TTLL11: variants seen among roughly 807,000 people sequenced by gnomAD.
TTLL11 encodes tubulin tyrosine ligase like 11, also known as tubulin polyglutamylase TTLL11.
In TTLL11, 42 loss-of-function variants were observed where a neutral mutation model predicts 51.7. That is an observed-to-expected ratio of 0.81 (90% CI 0.64 to 1.05). The LOEUF (loss-of-function observed/expected upper bound fraction) is 1.05, where lower values mean the gene tolerates loss of function less well. Ranked by LOEUF, TTLL11 falls within the 50% of genes least tolerant of loss-of-function variation. The pLI is 0.00. For missense variants in TTLL11, 799 were observed against 940.4 expected (o/e 0.85, Z 1.97); for synonymous variants, 381 against 383.5 (o/e 0.99, Z 0.08).
At chr9:122,054,889 A>G (rs181661683) in intron 1 of TTLL11, among the ~76,000 whole-genome samples, 1 of 152,302 alleles carries the variant, frequency 6.6e-6, no homozygotes, top group Admixed American at 6.5e-5. Flanking sequence ...CCCACCCAGG[A>G]TATCAGACAA....
At chr9:122,037,086 A>G (rs1434142725) in intron 2 of TTLL11, among the ~76,000 whole-genome samples, 1 of 152,174 alleles carries the variant, frequency 6.6e-6, no homozygotes, top group Non-Finnish European at 1.5e-5. Context: ...TTCCAAATGT[A>G]GATCTATAGC....
intron 6 of TTLL11, among the ~76,000 whole-genome samples, chr9:121,917,304 T>TA (rs113053206): frequency 0.038 from 5,316 of 141,650 alleles, 292 homozygotes; most frequent in African/African-American, 0.12. Context: ...CTTATCTCTA[T>TA]AAAAAAAAAA....
At chr9:121,859,774 G>A (rs377522733) in intron 8 of TTLL11, among the ~76,000 whole-genome samples, 97 of 152,268 alleles carry the variant, frequency 6.4e-4, no homozygotes, top group African/African-American at 2.1e-3. Context: ...TCCAGGCCAC[G>A]GCCAGGCAAT....
At chr9:121,986,361 C>T (rs931152844) in intron 4 of TTLL11, among the ~76,000 whole-genome samples, 8 of 152,204 alleles carry the variant, frequency 5.3e-5, no homozygotes, top group Admixed American at 4.6e-4. Flanking sequence ...CATGATAGTC[C>T]TAGAATAGCT....
At chr9:121,948,796 G>A (rs1841758049) in intron 6 of TTLL11, among the ~76,000 whole-genome samples, 1 of 152,166 alleles carries the variant, frequency 6.6e-6, no homozygotes, top group South Asian at 2.1e-4. Context: ...GACATTGCAT[G>A]GCTACTCAGG....
At chr9:121,906,915 A>T (rs1293817406) in intron 6 of TTLL11, among the ~76,000 whole-genome samples, 3 of 152,078 alleles carry the variant, frequency 2.0e-5, no homozygotes, top group African/African-American at 4.8e-5. Flanking sequence ...ACAGTAAAAT[A>T]TAGAGTTTTT....
At chr9:121,931,584 T>TA (rs757552624) in intron 6 of TTLL11, among the ~76,000 whole-genome samples, 6,179 of 130,370 alleles carry the variant, frequency 0.047, 324 homozygotes, top group East Asian at 0.23. Flanking sequence ...TTCTACTATT[T>TA]AAAAAAAAAA....
In TTLL11 at chr9:121,866,904, G is replaced by A. The variant is rs115314826; in HGVS notation, c.1733+3593C>T. 2.0e-3 allele frequency among the ~76,000 whole-genome samples: 310 copies of A among 152,250 alleles called. 4 individuals carry two copies. Among genetic ancestry groups the A allele is most frequent in the African/African-American group, 7.2e-3 (298 of 41,530 alleles). ...AGTTTGGCCACTGATTGGGAATGAT[G>A]GCTGCAGGACCTAATAGTCCCTAAT... On this transcript the variant is annotated intron_variant, in intron 7 of 8. Coordinates refer to ENST00000321582, the MANE Select transcript of TTLL11 (RefSeq NM_001139442.2).
At chr9:122,025,385 C>A (rs1844300564) in intron 3 of TTLL11, among the ~76,000 whole-genome samples, 1 of 152,222 alleles carries the variant, frequency 6.6e-6, no homozygotes, top group East Asian at 1.9e-4. Context: ...GTAATCCCAG[C>A]ACTTTTGGAG....
At chr9:121,982,717 C>CAAAA (rs71371907) in intron 4 of TTLL11, among the ~76,000 whole-genome samples, 2 of 97,408 alleles carry the variant, frequency 2.1e-5, no homozygotes, top group African/African-American at 4.6e-5. Flanking sequence ...AACTCCAACT[C>CAAAA]AAAAAAAAAA....
chr9:121,981,544 A>C (rs1384353595), intron 4 of TTLL11, among the ~76,000 whole-genome samples: 2 of 152,168 alleles, frequency 1.3e-5, no homozygotes, highest in Non-Finnish European at 2.9e-5. Context: ...GTTTCTCTGA[A>C]ATGATTTCCC....
chr9:122,014,686 G>A (rs1232292974), intron 3 of TTLL11, among the ~76,000 whole-genome samples: 2 of 152,226 alleles, frequency 1.3e-5, no homozygotes, highest in Non-Finnish European at 2.9e-5. Flanking sequence ...AACTGTGACA[G>A]AGTCAGAAGA....
At chr9:121,954,837 C>T (rs890017060) in intron 6 of TTLL11, among the ~76,000 whole-genome samples, 1 of 152,166 alleles carries the variant, frequency 6.6e-6, no homozygotes, top group East Asian at 1.9e-4. Flanking sequence ...AGGATGAAAT[C>T]TTTCTTTTAA....
chr9:121,828,911 G>A (rs1343375243), intron 8 of TTLL11, among the ~76,000 whole-genome samples: 1 of 151,988 alleles, frequency 6.6e-6, no homozygotes, highest in African/African-American at 2.4e-5. Flanking sequence ...GCTGAAGTGA[G>A]CTATGATCAC....
chr9:121,856,042 AC>A (rs1279361112), intron 8 of TTLL11, among the ~76,000 whole-genome samples: 1 of 152,170 alleles, frequency 6.6e-6, no homozygotes, highest in African/African-American at 2.4e-5. Context: ...CTGAAGTTAG[AC>A]TGGTTTTTAT....
intron 6 of TTLL11, among the ~76,000 whole-genome samples, chr9:121,889,769 G>A (rs558467177): frequency 5.3e-5 from 8 of 152,270 alleles, no homozygotes; most frequent in African/African-American, 1.2e-4. Context: ...GCATGCGGGC[G>A]TTTGCCTGTA....
intron 3 of TTLL11, among the ~76,000 whole-genome samples, chr9:122,009,894 G>A (rs1843750893): frequency 6.6e-6 from 1 of 151,818 alleles, no homozygotes; most frequent in Non-Finnish European, 1.5e-5. Flanking sequence ...CTCTAGAGAT[G>A]GCTACTATAT....
chr9:121,887,225 T>C (rs1320334696), intron 6 of TTLL11, among the ~76,000 whole-genome samples: 2 of 152,194 alleles, frequency 1.3e-5, no homozygotes, highest in Non-Finnish European at 2.9e-5. Flanking sequence ...TCAAACTCTT[T>C]GAGAACATAT....
chr9:121,942,738 A>ATTTTTTTTTTTTTTT (rs34352222), intron 6 of TTLL11, among the ~76,000 whole-genome samples: 2 of 97,886 alleles, frequency 2.0e-5, no homozygotes, highest in Non-Finnish European at 4.2e-5. Flanking sequence ...AATCTGTCTT[A>ATTTTTTTTTTTTTTT]TTTTTTTTTT....
Sources: allele counts gnomAD v4.1 joint callset (sites outside exome capture counted in the v4.1 genomes callset), GRCh38; gene constraint gnomAD v4.1.1; transcripts MANE v1.5; gene names NCBI Gene and HGNC (gene_info 2026-07-23, HGNC 2026-07-21).